Variants in ZNF385D observed in about 807,000 individuals in gnomAD.
ZNF385D encodes the protein zinc finger protein 659.
ZNF385D carries 15 observed loss-of-function variants against 35.8 expected under a neutral mutation model. That is an observed-to-expected ratio of 0.42 (90% CI 0.28 to 0.64). The LOEUF (loss-of-function observed/expected upper bound fraction) is 0.64, where lower values mean the gene tolerates loss of function less well. ZNF385D is among the 30% of genes least tolerant of loss of function. The probability of loss-of-function intolerance (pLI) is 0.23; values close to 1 mark genes in which losing one functional copy is unlikely to be tolerated. For missense variants in ZNF385D, 474 were observed against 494.6 expected, an observed-to-expected ratio of 0.96 and a Z score of 0.39; for synonymous variants, 212 against 186.8, an observed-to-expected ratio of 1.13 and a Z score of -1.10.
intron 3 of ZNF385D, among the ~76,000 whole-genome samples, chr3:21,972,684 C>A (rs188493671): frequency 2.7e-5 from 4 of 149,470 alleles, no homozygotes; most frequent in Non-Finnish European, 4.5e-5. Context: ...TAAGCTTTAA[C>A]TAGACTAAGA....
At chr3:22,323,101 C>T (rs144757967) in intron 2 of ZNF385D, among the ~76,000 whole-genome samples, 9 of 152,140 alleles carry the variant, frequency 5.9e-5, no homozygotes, top group African/African-American at 2.2e-4. Context: ...CCCTTGGTTG[C>T]TAGGCTTATT....
chr3:21,713,757 T>C (rs189477759), intron 1 of ZNF385D, among the ~76,000 whole-genome samples: 18 of 152,296 alleles, frequency 1.2e-4, no homozygotes, highest in Non-Finnish European at 2.2e-4. Context: ...ACCCTACCCA[T>C]ACCACCCAGT....
At chr3:21,859,997 A>T (rs549826061) in intron 3 of ZNF385D, among the ~76,000 whole-genome samples, 2 of 152,058 alleles carry the variant, frequency 1.3e-5, no homozygotes, top group Non-Finnish European at 2.9e-5. Flanking sequence ...ATCAGAAATT[A>T]AAAAAGAAAA....
intron 4 of ZNF385D, among the ~76,000 whole-genome samples, chr3:21,458,814 T>A (rs967931983): frequency 5.5e-5 from 3 of 54,144 alleles, no homozygotes; most frequent in African/African-American, 2.5e-4. Context: ...TAATGCGGGG[T>A]GGGGGGGCGG....
chr3:21,751,626 A>AT (rs2070092563), upstream of ZNF385D, among the ~76,000 whole-genome samples: 1 of 151,628 alleles, frequency 6.6e-6, no homozygotes, highest in Non-Finnish European at 1.5e-5. Context: ...GTTTGTTGTT[A>AT]TTTTTTGTGA....
At chr3:22,069,455 T>C (rs747008505) in intron 3 of ZNF385D, among the ~76,000 whole-genome samples, 3 of 152,042 alleles carry the variant, frequency 2.0e-5, no homozygotes, top group Non-Finnish European at 4.4e-5. Context: ...CCCCGAGGGG[T>C]GTGAATGTAT....
chr3:22,040,877 T>C (rs1698624487), intron 3 of ZNF385D, among the ~76,000 whole-genome samples: 2 of 151,748 alleles, frequency 1.3e-5, no homozygotes, highest in South Asian at 2.1e-4. Context: ...AGTGTCTTGC[T>C]TGCTAGAGTC....
At chr3:21,630,853 T>G (rs2065261170) in intron 2 of ZNF385D, among the ~76,000 whole-genome samples, 1 of 152,060 alleles carries the variant, frequency 6.6e-6, no homozygotes, top group South Asian at 2.1e-4. Context: ...CCCAGGAAGG[T>G]AGTACTATTG....
intron 3 of ZNF385D, among the ~76,000 whole-genome samples, chr3:22,037,015 A>T (rs1698368131): frequency 6.6e-6 from 1 of 151,886 alleles, no homozygotes; most frequent in Admixed American, 6.6e-5. Flanking sequence ...TTCCAGCTTC[A>T]TCCATATCCC....
At chr3:22,072,707 G>C (rs970474256) in intron 3 of ZNF385D, among the ~76,000 whole-genome samples, 2 of 151,896 alleles carry the variant, frequency 1.3e-5, no homozygotes, top group East Asian at 3.9e-4. Context: ...AAGGGAGAAA[G>C]AGGGAAGGAC....
chr3:22,212,997 G>C (rs951988521), intron 2 of ZNF385D, among the ~76,000 whole-genome samples: 3 of 151,950 alleles, frequency 2.0e-5, no homozygotes, highest in Non-Finnish European at 2.9e-5. Context: ...TTTAGAGGTG[G>C]TGAATAAGAT....
chr3:21,616,529 T>A (rs1232655785), intron 2 of ZNF385D, among the ~76,000 whole-genome samples: 1 of 152,184 alleles, frequency 6.6e-6, no homozygotes, highest in African/African-American at 2.4e-5. Flanking sequence ...AAAATACACT[T>A]TTATTCCTGA....
chr3:22,301,251 G>A (rs1402142584), intron 2 of ZNF385D, among the ~76,000 whole-genome samples: 3 of 151,974 alleles, frequency 2.0e-5, no homozygotes, highest in Non-Finnish European at 2.9e-5. Context: ...GAAACAAAGA[G>A]GAAAATGGTG....
intron 2 of ZNF385D, among the ~76,000 whole-genome samples, chr3:22,362,098 A>G (rs1696436277): frequency 1.3e-5 from 2 of 151,600 alleles, no homozygotes; most frequent in African/African-American, 2.4e-5. Context: ...TATGCCTGCT[A>G]AAACTTCTGA....
At chr3:21,665,284 C>CCTGT (rs1463134184) in intron 1 of ZNF385D, among the ~76,000 whole-genome samples, 1 of 152,132 alleles carries the variant, frequency 6.6e-6, no homozygotes, top group African/African-American at 2.4e-5. Context: ...AATGCCCCAA[C>CCTGT]CTGTCTTTAT....
chr3:21,801,088 T>G (rs934723276), intron 3 of ZNF385D, among the ~76,000 whole-genome samples: 4 of 152,178 alleles, frequency 2.6e-5, no homozygotes, highest in Admixed American at 2.6e-4. Context: ...GGCCATGTAT[T>G]TTTCCCTTCA....
At chr3:21,612,860 G>T (rs549461884) in intron 2 of ZNF385D, among the ~76,000 whole-genome samples, 1 of 151,906 alleles carries the variant, frequency 6.6e-6, no homozygotes, top group South Asian at 2.1e-4. Context: ...TAATTCACAT[G>T]TCTATTAAAA....
At chr3:22,066,461 C>CGTGTGTGT (rs10627614) in intron 3 of ZNF385D, among the ~76,000 whole-genome samples, 5,444 of 98,094 alleles carry the variant, frequency 0.055, 340 homozygotes, top group Middle Eastern at 0.084. Context: ...GATGGTTCCC[C>CGTGTGTGT]GTGTGTGTGT....
intron 3 of ZNF385D, among the ~76,000 whole-genome samples, chr3:21,842,846 A>G (rs1440744866): frequency 6.6e-6 from 1 of 152,062 alleles, no homozygotes; most frequent in Non-Finnish European, 1.5e-5. Flanking sequence ...CTAAAAACAG[A>G]ATTCAAAATA....
Sources: allele counts gnomAD v4.1 joint callset (sites outside exome capture counted in the v4.1 genomes callset), GRCh38; gene constraint gnomAD v4.1.1; transcripts MANE v1.5; gene names NCBI Gene and HGNC (gene_info 2026-07-23, HGNC 2026-07-21).